PTPRD: variants seen among roughly 807,000 people sequenced by gnomAD.
PTPRD encodes receptor-type tyrosine-protein phosphatase delta.
Under a neutral mutation model 214.5 loss-of-function variants are expected in PTPRD, and 34 were observed. The observed-to-expected ratio is 0.16, with a 90% CI of 0.12 to 0.21. The LOEUF is 0.21. Ranked by LOEUF, PTPRD falls within the 10% of genes least tolerant of loss-of-function variation. The pLI, the probability that PTPRD is intolerant of heterozygous loss-of-function variation, is 1.00. For missense variants in PTPRD, 2,545 were observed against 2,398.7 expected (o/e 1.06, Z -1.27); for synonymous variants, 1,128 against 845.7 (o/e 1.33, Z -5.79).
intron 2 of PTPRD, among the ~76,000 whole-genome samples, chr9:10,527,804 T>C (rs1282515651): frequency 6.6e-6 from 1 of 152,144 alleles, no homozygotes; most frequent in Non-Finnish European, 1.5e-5. Flanking sequence ...TTAGCAATAA[T>C]TACTTATGCA....
At chr9:10,576,290 A>G (rs760059440) in intron 2 of PTPRD, among the ~76,000 whole-genome samples, 5 of 152,152 alleles carry the variant, frequency 3.3e-5, no homozygotes, top group East Asian at 1.9e-4. Flanking sequence ...TGATTTACCA[A>G]TGATAACTGT....
intron 7 of PTPRD, among the ~76,000 whole-genome samples, chr9:9,649,668 C>T (rs17183242): frequency 0.24 from 37,119 of 152,006 alleles, 5,455 homozygotes; most frequent in Non-Finnish European, 0.33. Flanking sequence ...TAGAGTCACT[C>T]ATTTTGCACT....
intron 11 of PTPRD, among the ~76,000 whole-genome samples, chr9:8,933,677 C>G (rs2154286368): frequency 6.6e-6 from 1 of 152,148 alleles, no homozygotes; most frequent in South Asian, 2.1e-4. Context: ...GACTCAATGT[C>G]ATCACCTGAT....
In PTPRD at chr9:8,708,135, T is replaced by C. The variant is rs143457117; in HGVS notation, c.64+25645A>G. On this transcript the variant is annotated intron_variant, in intron 12 of 45. Coordinates refer to ENST00000381196, the MANE Select transcript of PTPRD (RefSeq NM_002839.4). ...AAAAATGGATGCCGTGTATAAAATT[T>C]ATATCTGTTCTTTGTTCAGCCAACC... 4.2e-3 allele frequency among the ~76,000 whole-genome samples: 639 copies of C among 152,324 alleles called. 3 individuals carry two copies. The highest frequency in any genetic ancestry group is 0.015 in the African/African-American group (624 of 41,562).
intron 11 of PTPRD, among the ~76,000 whole-genome samples, chr9:8,827,686 T>C (rs1180444168): frequency 6.6e-6 from 1 of 152,152 alleles, no homozygotes; most frequent in Non-Finnish European, 1.5e-5. Context: ...AATCAGCTCA[T>C]CATTTATATT....
chr9:9,734,664 T>C (rs1419930052), intron 6 of PTPRD, 93 bp from the exon 7 acceptor site: 1 of 152,148 alleles, frequency 6.6e-6, no homozygotes, highest in Non-Finnish European at 1.5e-5. Context: ...ACAATATTAT[T>C]CTATTTACAA....
At chr9:9,157,601 G>C (rs1241544223) in intron 10 of PTPRD, among the ~76,000 whole-genome samples, 1 of 152,042 alleles carries the variant, frequency 6.6e-6, no homozygotes, top group Non-Finnish European at 1.5e-5. Flanking sequence ...CCAAAAATGA[G>C]GAAGGAGATT....
chr9:9,078,399 A>G (rs900035261), intron 10 of PTPRD, among the ~76,000 whole-genome samples: 1 of 152,096 alleles, frequency 6.6e-6, no homozygotes, highest in African/African-American at 2.4e-5. Context: ...GCAGTAAATA[A>G]TTAATGTTGA....
intron 10 of PTPRD, among the ~76,000 whole-genome samples, chr9:9,110,531 A>G (rs1392342250): frequency 6.6e-6 from 1 of 152,094 alleles, no homozygotes; most frequent in African/African-American, 2.4e-5. Context: ...CACTCTTGCT[A>G]ACCATACCCA....
chr9:9,722,768 G>C (rs114220997), intron 7 of PTPRD, among the ~76,000 whole-genome samples: 39 of 152,136 alleles, frequency 2.6e-4, no homozygotes, highest in African/African-American at 9.4e-4. Flanking sequence ...TAGTGGGTGA[G>C]AAGCAGTACC....
chr9:10,564,888 T>A (rs922921968), intron 2 of PTPRD, among the ~76,000 whole-genome samples: 22 of 152,188 alleles, frequency 1.4e-4, no homozygotes, highest in African/African-American at 5.1e-4. Context: ...TACATGCTAT[T>A]CAGTTAATTA....
At chr9:9,447,877 T>C (rs2090970028) in intron 8 of PTPRD, among the ~76,000 whole-genome samples, 1 of 151,798 alleles carries the variant, frequency 6.6e-6, no homozygotes, top group Admixed American at 6.6e-5. Context: ...GCAAAAGAGG[T>C]CAGTGCCGTT....
At chr9:9,307,657 T>C (rs1043721377) in intron 9 of PTPRD, among the ~76,000 whole-genome samples, 3 of 152,162 alleles carry the variant, frequency 2.0e-5, no homozygotes, top group Non-Finnish European at 4.4e-5. Flanking sequence ...TCTATACTGG[T>C]GCCAAAGTGA....
chr9:10,020,588 G>C (rs1402729215), intron 4 of PTPRD, among the ~76,000 whole-genome samples: 1 of 60,186 alleles, frequency 1.7e-5, no homozygotes, highest in East Asian at 4.1e-4. Flanking sequence ...AGAAATACAT[G>C]CTAGCCACTT....
At chr9:8,479,221 C>G (rs572352571) in intron 30 of PTPRD, among the ~76,000 whole-genome samples, 1 of 152,278 alleles carries the variant, frequency 6.6e-6, no homozygotes, top group Non-Finnish European at 1.5e-5. Context: ...ACACTATTAT[C>G]CCTTTAAGAA....
intron 17 of PTPRD, 118 bp from the exon 18 acceptor site, chr9:8,525,153 G>A (rs2073737398): frequency 2.4e-6 from 2 of 834,486 alleles, no homozygotes; most frequent in Non-Finnish European, 4.2e-6. Flanking sequence ...ACTCAACGTC[G>A]ATTCAATCTC....
At chr9:9,645,476 T>C (rs2096126582) in intron 7 of PTPRD, among the ~76,000 whole-genome samples, 2 of 147,736 alleles carry the variant, frequency 1.4e-5, no homozygotes, top group South Asian at 2.1e-4. Context: ...TATATATATA[T>C]ATATTTTCTA....
rs1232702961 is a variant in PTPRD, at chr9:9,413,131, G to A, written c.-236-15649C>T. Among the ~76,000 whole-genome samples the A allele has an allele frequency of 6.6e-3, 352 of 53,186 alleles. 1 individual carries two copies. Among genetic ancestry groups the A allele is most frequent in the African/African-American group, 0.03 (332 of 11,170 alleles). 34.9% of individuals were successfully genotyped at this position (53,186 alleles called of 152,430 possible). On this transcript the variant is annotated intron_variant, in intron 8 of 45. Transcript: ENST00000381196. ...TTTTTTTTTTTTTTTTTTTTGAGAC[G>A]GAGTCTCGCTCTGTCGCCCAGGCCG...
chr9:8,396,927 C>T (rs1033942248), intron 36 of PTPRD, among the ~76,000 whole-genome samples: 1 of 152,066 alleles, frequency 6.6e-6, no homozygotes, highest in Non-Finnish European at 1.5e-5. Flanking sequence ...AAAGGAAGTG[C>T]TTTTATGTAT....
Sources: allele counts gnomAD v4.1 joint callset (sites outside exome capture counted in the v4.1 genomes callset), GRCh38; gene constraint gnomAD v4.1.1; transcripts MANE v1.5; gene names NCBI Gene and HGNC (gene_info 2026-07-23, HGNC 2026-07-21).